The following PCDH15 variants were observed in gnomAD, a reference collection of about 807,000 sequenced individuals.
PCDH15 encodes the protein protocadherin related 15.
Under a neutral mutation model 178.5 loss-of-function variants are expected in PCDH15, and 129 were observed. The observed-to-expected ratio is 0.72, with a 90% CI of 0.63 to 0.84. PCDH15 has a LOEUF of 0.84. PCDH15 is among the 40% of genes least tolerant of loss of function. The pLI, the probability that PCDH15 is intolerant of heterozygous loss-of-function variation, is 0.00. For synonymous variants in PCDH15, 800 were observed against 732.0 expected, an observed-to-expected ratio of 1.09 and a Z score of -1.50; for missense variants, 2,230 against 2,099.9, an observed-to-expected ratio of 1.06 and a Z score of -1.21.
In PCDH15 at chr10:55,463,995, A is replaced by G. The variant is rs866879966; in HGVS notation, c.-156+163630T>C. Among the ~76,000 whole-genome samples, 8 of 19,912 alleles carry G rather than the reference A, an allele frequency of 4.0e-4. No homozygotes were observed. In the South Asian group the frequency reaches 9.0e-3, roughly 22 times the overall value. 13.1% of individuals were successfully genotyped at this position (19,912 alleles called of 152,430 possible). A position where few individuals can be genotyped will look rare whatever the true frequency, so the allele number is the denominator to read the frequency against. ...AAAGAGAAAGAAAGAAAGAAAGAGA[A>G]AGAAAGAAAGAAAGAAAGAAAGAAA... On this transcript the variant is annotated intron_variant, in intron 2 of 5. Coordinates refer to the PCDH15 transcript ENST00000613346.
Position 53,851,470 on chromosome 10 carries a change from CAA to C in PCDH15, c.3806+5703_3806+5704del, listed in dbSNP as rs2078352205. ...GCTCTAAGATACAAATGCAAAAACT[CAA>C]AGAGTTTGATAGACTGGCCCAAGAC... On this transcript the variant is annotated intron_variant, in intron 28 of 37. Coordinates refer to ENST00000644397, the MANE Select transcript of PCDH15 (RefSeq NM_001384140.1). Among the ~76,000 whole-genome samples the C allele has an allele frequency of 5.3e-5, 8 of 151,110 alleles. No individual in the cohort carries two copies. In the South Asian group the frequency reaches 1.7e-3, roughly 32 times the overall value.
At chr10:54,443,472 C>T (rs1421611131) in intron 3 of PCDH15, among the ~76,000 whole-genome samples, 2 of 151,086 alleles carry the variant, frequency 1.3e-5, no homozygotes, top group Non-Finnish European at 3.0e-5. Flanking sequence ...TCATGTAACT[C>T]TACACAAATG....
intron 2 of PCDH15, among the ~76,000 whole-genome samples, chr10:55,397,015 G>A (rs928365281): frequency 9.9e-5 from 15 of 152,052 alleles, no homozygotes; most frequent in African/African-American, 3.6e-4. Flanking sequence ...CAGTATTGTG[G>A]GGACAAAGTT....
Position 53,909,044 on chromosome 10 carries a change from C to T in PCDH15, c.3374-5674G>A, listed in dbSNP as rs149424417. Among the ~76,000 whole-genome samples the T allele has an allele frequency of 6.1e-3, 924 of 152,268 alleles. 8 individuals are homozygous for T. The highest frequency in any genetic ancestry group is 0.018 in the African/African-American group (748 of 41,544). ...GTGATATGGTTTGGCTCTGTGTCCCCACCCAAATCTCATCTTGAACTATAA... is the reference window on the plus strand; with the variant it reads ...GTGATATGGTTTGGCTCTGTGTCCCTACCCAAATCTCATCTTGAACTATAA... On this transcript the variant is annotated intron_variant, in intron 25 of 37. Transcript: ENST00000644397.
At chr10:54,350,692 G>C (rs1944034048) in intron 5 of PCDH15, among the ~76,000 whole-genome samples, 1 of 152,222 alleles carries the variant, frequency 6.6e-6, no homozygotes, top group African/African-American at 2.4e-5. Flanking sequence ...TTAAAAAATA[G>C]TAGATCCTGG....
intron 1 of PCDH15, among the ~76,000 whole-genome samples, chr10:55,190,583 CA>C (rs1839921858): frequency 6.6e-6 from 1 of 151,524 alleles, no homozygotes; most frequent in African/African-American, 2.4e-5. Flanking sequence ...AAACTGGTCA[CA>C]AAAATACTGT....
intron 18 of PCDH15, among the ~76,000 whole-genome samples, chr10:54,061,943 G>A (rs1346653828): frequency 2.0e-5 from 3 of 151,904 alleles, no homozygotes; most frequent in Non-Finnish European, 2.9e-5. Flanking sequence ...AACTAAATGA[G>A]GCCGGGTGTG....
intron 1 of PCDH15, among the ~76,000 whole-genome samples, chr10:54,745,055 T>C (rs1945277434): frequency 6.6e-6 from 1 of 152,176 alleles, no homozygotes; most frequent in Non-Finnish European, 1.5e-5. Context: ...ATGAATTATA[T>C]TTTGAATTTA....
chr10:55,065,265 C>T (rs1428860106), intron 2 of PCDH15, among the ~76,000 whole-genome samples: 1 of 152,024 alleles, frequency 6.6e-6, no homozygotes, highest in Non-Finnish European at 1.5e-5. Context: ...CATTCTTATC[C>T]TCTAGCACAA....
intron 14 of PCDH15, among the ~76,000 whole-genome samples, chr10:54,151,519 G>C (rs1196816462): frequency 6.6e-6 from 1 of 151,960 alleles, no homozygotes; most frequent in African/African-American, 2.4e-5. Flanking sequence ...TAGACTGGGA[G>C]ACAGAGTTAG....
chr10:54,380,647 A>ATATATATG (rs1277594031), intron 3 of PCDH15, among the ~76,000 whole-genome samples: 5 of 79,224 alleles, frequency 6.3e-5, no homozygotes, highest in African/African-American at 2.7e-4. Flanking sequence ...ATGCATGTAT[A>ATATATATG]TATATATATA....
chr10:55,329,002 C>CGT (rs34920648), intron 2 of PCDH15, among the ~76,000 whole-genome samples: 10,413 of 131,046 alleles, frequency 0.079, 1,199 homozygotes, highest in African/African-American at 0.26. Flanking sequence ...ATTCCATTTT[C>CGT]GTGTGTGTGT....
chr10:53,873,432 A>T (rs1480542618), intron 26 of PCDH15, among the ~76,000 whole-genome samples: 1 of 152,208 alleles, frequency 6.6e-6, no homozygotes, highest in African/African-American at 2.4e-5. Context: ...TTATTACATT[A>T]TCTCATGACA....
chr10:55,535,270 T>C (rs1841548305), intron 2 of PCDH15, among the ~76,000 whole-genome samples: 1 of 152,046 alleles, frequency 6.6e-6, no homozygotes, highest in Non-Finnish European at 1.5e-5. Context: ...TTGACAGAAT[T>C]GGTAAGGTTG....
At chr10:55,148,244 C>T (rs1005548672) in intron 2 of PCDH15, among the ~76,000 whole-genome samples, 6 of 151,722 alleles carry the variant, frequency 4.0e-5, no homozygotes, top group Admixed American at 3.3e-4. Flanking sequence ...AAAACATTTT[C>T]GTTTGAGTTG....
At chr10:53,834,606 G>T (rs12573030) in intron 29 of PCDH15, among the ~76,000 whole-genome samples, 58,130 of 151,022 alleles carry the variant, frequency 0.38, 11,814 homozygotes, top group East Asian at 0.75. Context: ...AGGGTATACA[G>T]GTCCCTTCCC....
At chr10:54,319,786 T>TA (rs78934916) in intron 7 of PCDH15, among the ~76,000 whole-genome samples, 30,935 of 150,946 alleles carry the variant, frequency 0.2, 3,205 homozygotes, top group Admixed American at 0.23. Context: ...GCCTTCCAAT[T>TA]AAAAAAAAAG....
chr10:54,284,202 T>A (rs2058889274), intron 8 of PCDH15, among the ~76,000 whole-genome samples: 1 of 152,150 alleles, frequency 6.6e-6, no homozygotes, highest in Non-Finnish European at 1.5e-5. Flanking sequence ...ATAAAACTAG[T>A]AATTCAAAGC....
At chr10:55,463,993 GA>G (rs1315986556) in intron 2 of PCDH15, among the ~76,000 whole-genome samples, 1 of 5,942 alleles carries the variant, frequency 1.7e-4, no homozygotes, top group Non-Finnish European at 2.8e-4. Context: ...GAAAGAAAGA[GA>G]AAGAAAGAAA....
Sources: allele counts gnomAD v4.1 joint callset (sites outside exome capture counted in the v4.1 genomes callset), GRCh38; gene constraint gnomAD v4.1.1; transcripts MANE v1.5; gene names NCBI Gene and HGNC (gene_info 2026-07-23, HGNC 2026-07-21).